NOX4: variants seen among roughly 807,000 people sequenced by gnomAD.
NOX4 encodes the protein kidney oxidase-1.
NOX4 carries 69 observed loss-of-function variants against 87.6 expected under a neutral mutation model. The ratio of observed to expected loss-of-function variants is 0.79; its 90% CI spans 0.65 to 0.96. The LOEUF is 0.96. NOX4 is among the 40% of genes least tolerant of loss of function. The probability of loss-of-function intolerance (pLI) is 0.00; values close to 1 mark genes in which losing one functional copy is unlikely to be tolerated. For synonymous variants in NOX4, 275 were observed against 238.2 expected (o/e 1.15, Z -1.42); for missense variants, 680 against 681.5 (o/e 1.00, Z 0.02).
upstream of NOX4, among the ~76,000 whole-genome samples, chr11:89,500,254 T>C (rs1325009488): frequency 6.6e-6 from 1 of 152,198 alleles, no homozygotes; most frequent in Non-Finnish European, 1.5e-5. Flanking sequence ...CTGTCAGTTC[T>C]GTCAATTTTT....
intron 13 of NOX4, among the ~76,000 whole-genome samples, chr11:89,347,720 C>T (rs1946279142): frequency 6.6e-6 from 1 of 152,068 alleles, no homozygotes; most frequent in Non-Finnish European, 1.5e-5. Context: ...ATAGTCATCA[C>T]ATTCTGTTAA....
the NOX4 span, among the ~76,000 whole-genome samples, chr11:89,586,819 G>C: frequency 2.0e-5 from 3 of 152,068 alleles, no homozygotes; most frequent in African/African-American, 7.2e-5. Flanking sequence ...TATTTCAGGA[G>C]GAAGAAAAAT....
chr11:89,369,300 G>A (rs986787174), intron 12 of NOX4, among the ~76,000 whole-genome samples: 5 of 152,140 alleles, frequency 3.3e-5, no homozygotes, highest in Non-Finnish European at 5.9e-5. Flanking sequence ...GGGCTGGGAG[G>A]ACATAGGGTA....
At chr11:89,572,264 A>G in the NOX4 span, among the ~76,000 whole-genome samples, 2 of 152,282 alleles carry the variant, frequency 1.3e-5, no homozygotes, top group East Asian at 3.9e-4. Context: ...TTGGTTTACA[A>G]CCTCATATTC....
the NOX4 span, among the ~76,000 whole-genome samples, chr11:89,561,015 T>TATATATATAC: frequency 0.043 from 3,428 of 79,832 alleles, 166 homozygotes; most frequent in Middle Eastern, 0.067. Context: ...TATATATATA[T>TATATATATAC]ATATACATAC....
intron 11 of NOX4, among the ~76,000 whole-genome samples, chr11:89,391,599 T>G (rs1228485011): frequency 5.9e-5 from 9 of 151,684 alleles, no homozygotes; most frequent in Non-Finnish European, 5.9e-5. Context: ...CTACACAATT[T>G]TTTAAAAAGT....
At chr11:89,506,311 A>G in the NOX4 span, among the ~76,000 whole-genome samples, 83 of 99,830 alleles carry the variant, frequency 8.3e-4, no homozygotes, top group East Asian at 3.1e-3. Flanking sequence ...AAGAGAGAGA[A>G]AGAAAGAAAG....
At chr11:89,430,867 A>G (rs1364305378) in intron 7 of NOX4, among the ~76,000 whole-genome samples, 2 of 152,168 alleles carry the variant, frequency 1.3e-5, no homozygotes, top group Non-Finnish European at 2.9e-5. Context: ...TAAAGTTCAT[A>G]TGGAACCAAA....
chr11:89,342,262 G>A (rs1386940146), intron 13 of NOX4, 69 bp from the exon 14 acceptor site: 3 of 1,406,014 alleles, frequency 2.1e-6, no homozygotes, highest in African/African-American at 1.4e-5. Flanking sequence ...GTACCATATA[G>A]CAAACATGCT....
chr11:89,438,818 T>TAA lies in NOX4; in HGVS notation c.475+1869_475+1870insTT, dbSNP rs1273820532. Among the ~76,000 whole-genome samples the TAA allele has an allele frequency of 1.1e-3, 4 of 3,662 alleles. 2 individuals are homozygous for TAA. The highest frequency in any genetic ancestry group is 9.9e-3 in the Admixed American group (2 of 202). The allele number at this position is 3,662 out of a possible 152,430, so 2.4% of individuals were successfully genotyped here. On this transcript the variant is annotated intron_variant, in intron 6 of 17. Coordinates refer to ENST00000263317, the MANE Select transcript of NOX4 (RefSeq NM_016931.5). ...TATAATATATTATATATTATATATATTATATAATATCTTATATATTATATA... is the reference window on the plus strand; with the variant it reads ...TATAATATATTATATATTATATATATAATATATAATATCTTATATATTATATA...
chr11:89,565,032 C>T, the NOX4 span, among the ~76,000 whole-genome samples: 197 of 152,162 alleles, frequency 1.3e-3, 2 homozygotes, highest in Middle Eastern at 3.4e-3. Flanking sequence ...TTACTGATAT[C>T]TAAAAATACC....
chr11:89,438,457 A>G (rs1944208987), intron 6 of NOX4, among the ~76,000 whole-genome samples: 2 of 85,586 alleles, frequency 2.3e-5, no homozygotes, highest in South Asian at 3.8e-4. Context: ...TATATAATAT[A>G]CAGCATATAT....
rs528129878 is a variant in NOX4 at position 89,474,347 on chromosome 11, T to A, written c.153+16111A>T. On this transcript the variant is annotated intron_variant, in intron 2 of 17. Coordinates refer to ENST00000263317, the MANE Select transcript of NOX4 (RefSeq NM_016931.5). ...AAAAACTAATATTGAGTAAGACCAA[T>A]ACATCACATCTTGGAATTTCTTTAA... Among the ~76,000 whole-genome samples, 5 of 150,410 alleles carry A rather than the reference T, an allele frequency of 3.3e-5. No individual in the cohort carries two copies. The East Asian group carries it at 9.9e-4, about 30-fold the overall frequency.
intron 11 of NOX4, among the ~76,000 whole-genome samples, chr11:89,376,271 C>T (rs1939828769): frequency 2.0e-5 from 3 of 152,168 alleles, no homozygotes; most frequent in Admixed American, 6.6e-5. Flanking sequence ...TGCAAGGAGG[C>T]TTCACAGAAT....
intron 2 of NOX4, among the ~76,000 whole-genome samples, chr11:89,485,497 T>G (rs576149327): frequency 1.3e-5 from 2 of 152,192 alleles, no homozygotes; most frequent in Non-Finnish European, 2.9e-5. Flanking sequence ...ATGATATTCT[T>G]TAATTATTAA....
At chr11:89,480,242 A>T (rs1299248109) in intron 2 of NOX4, among the ~76,000 whole-genome samples, 1 of 151,848 alleles carries the variant, frequency 6.6e-6, no homozygotes, top group Non-Finnish European at 1.5e-5. Context: ...GTTGACTGCC[A>T]TTTTTTTTGG....
the NOX4 span, among the ~76,000 whole-genome samples, chr11:89,569,206 C>G: frequency 1.4e-5 from 2 of 146,964 alleles, no homozygotes; most frequent in African/African-American, 5.1e-5. Context: ...CAAAAATGGA[C>G]AAGTAGGATC....
chr11:89,567,334 G>A, the NOX4 span, among the ~76,000 whole-genome samples: 1 of 152,100 alleles, frequency 6.6e-6, no homozygotes, highest in Non-Finnish European at 1.5e-5. Context: ...TCCTACCACT[G>A]CTTTGCCCCC....
At chr11:89,567,368 C>T in the NOX4 span, among the ~76,000 whole-genome samples, 4 of 152,178 alleles carry the variant, frequency 2.6e-5, no homozygotes, top group African/African-American at 9.6e-5. Context: ...TGGCCTCTTC[C>T]TACTACTATG....
Sources: gnomAD v4.1 joint callset for allele counts (sites outside exome capture counted in the v4.1 genomes callset) on GRCh38, gnomAD v4.1.1 for gene constraint, MANE v1.5 for transcripts, NCBI Gene and HGNC (gene_info 2026-07-23, HGNC 2026-07-21) for gene names.